The following RNF182 variants were observed in gnomAD, a reference collection of about 807,000 sequenced individuals.
The protein encoded by RNF182 is E3 ubiquitin-protein ligase RNF182.
Under a neutral mutation model 14.4 loss-of-function variants are expected in RNF182, and 15 were observed. That is an observed-to-expected ratio of 1.04 (90% confidence interval 0.70 to 1.60). The LOEUF is 1.60. RNF182 is among the 40% of genes most tolerant of loss of function. The probability of loss-of-function intolerance (pLI) is 0.00; values close to 1 mark genes in which losing one functional copy is unlikely to be tolerated. For missense variants in RNF182, 268 were observed against 294.8 expected, an observed-to-expected ratio of 0.91 and a Z score of 0.67; for synonymous variants, 128 against 122.9, an observed-to-expected ratio of 1.04 and a Z score of -0.27.
At chr6:13,944,956 GTGCC>G (rs10553158) in intron 1 of RNF182, among the ~76,000 whole-genome samples, 9,995 of 152,202 alleles carry the variant, frequency 0.066, 418 homozygotes, top group Middle Eastern at 0.1. Flanking sequence ...TGCTTACTAA[GTGCC>G]TGATCCTAAG....
rs777174455 is a variant in RNF182 at position 13,977,759 on chromosome 6, G to A, written c.640G>A (p.Val214Ile). 1.5e-5 allele frequency: 25 copies of A among 1,613,956 alleles called. No individual in the cohort carries two copies. Among genetic ancestry groups the A allele is most frequent in the African/African-American group, 8.0e-5 (6 of 74,874 alleles). Residue 214 changes from valine to isoleucine, a missense_variant, in exon 3 of 3, where the codon GTC (valine) becomes ATC (isoleucine). Transcript: ENST00000488300. ...GTCTAAGAAAGTCACCCTTGGGGTC[G>A]TCTTTGTCAGCCTGGTCCCTTCGAG... ...LVSKKVTLGV[V>I]FVSLVPSSLV...
intron 1 of RNF182, chr6:13,949,256 G>A (rs1274486069): frequency 5.1e-6 from 4 of 783,700 alleles, no homozygotes; most frequent in Non-Finnish European, 9.5e-6. Context: ...GACACCAGTT[G>A]TTTCCTCTGC....
chr6:13,945,276 A>C (rs1759410042), intron 1 of RNF182, among the ~76,000 whole-genome samples: 1 of 152,224 alleles, frequency 6.6e-6, no homozygotes. Flanking sequence ...TTAGCCAAAA[A>C]TTATTGTGGC....
At chr6:13,962,009 G>A (rs1476485160) in intron 1 of RNF182, among the ~76,000 whole-genome samples, 1 of 152,102 alleles carries the variant, frequency 6.6e-6, no homozygotes, top group East Asian at 1.9e-4. Flanking sequence ...TTAATGAAAG[G>A]CATAGTTTTT....
Position 13,979,652 on chromosome 6 carries a change from T to G in RNF182, c.*1789T>G, listed in dbSNP as rs1400934315. ...TTTGTGTTTAGAGTAAATACCATGT[T>G]TAGAAGATGTTTTGTGGTTTGGATT... On this transcript the variant is annotated 3_prime_UTR_variant, in exon 3 of 3. Coordinates refer to ENST00000488300, the MANE Select transcript of RNF182 (RefSeq NM_152737.4). The G allele has an allele frequency of 6.0e-6, 1 of 166,616 alleles. No individual in the cohort carries two copies. The highest frequency in any genetic ancestry group is 2.4e-5 in the African/African-American group (1 of 41,460). The allele number at this position is 166,616 out of a possible 1,614,324, so 10.3% of individuals were successfully genotyped here.
At chr6:13,965,519 A>G (rs1760001579) in intron 1 of RNF182, among the ~76,000 whole-genome samples, 2 of 152,236 alleles carry the variant, frequency 1.3e-5, no homozygotes, top group African/African-American at 2.4e-5. Flanking sequence ...CTCTGGATTT[A>G]TTGGAAAAGT....
At chr6:13,956,095 A>G (rs566640229) in intron 1 of RNF182, among the ~76,000 whole-genome samples, 1 of 152,220 alleles carries the variant, frequency 6.6e-6, no homozygotes, top group South Asian at 2.1e-4. Context: ...GTTCAGACTT[A>G]TTCATATTGC....
intron 1 of RNF182, among the ~76,000 whole-genome samples, chr6:13,942,205 C>G (rs930395827): frequency 7.9e-5 from 12 of 151,940 alleles, no homozygotes; most frequent in African/African-American, 1.2e-4. Context: ...TGCCTTTTTC[C>G]TCTGTGTGTT....
intron 1 of RNF182, among the ~76,000 whole-genome samples, chr6:13,942,182 T>C (rs1759315095): frequency 1.3e-5 from 2 of 152,202 alleles, no homozygotes; most frequent in South Asian, 2.1e-4. Context: ...ACTTTGGTCC[T>C]TTAGAGGTGA....
Position 13,969,832 on chromosome 6 carries a change from A to G in RNF182, c.-366-4378A>G, listed in dbSNP as rs561897797. Reference sequence around the variant, plus strand: ...ATGAAAGACTGTTCATTGGTTAGTTAGGAATACCAGCTTCATATATTTGAA... The same window carrying G: ...ATGAAAGACTGTTCATTGGTTAGTTGGGAATACCAGCTTCATATATTTGAA... On this transcript the variant is annotated intron_variant, in intron 1 of 2. Coordinates refer to ENST00000488300, the MANE Select transcript of RNF182 (RefSeq NM_152737.4). 1.5e-3 allele frequency among the ~76,000 whole-genome samples: 199 copies of G among 131,746 alleles called. 2 individuals are homozygous for G. The highest frequency in any genetic ancestry group is 4.9e-3 in the African/African-American group (189 of 38,630). The allele number at this position is 131,746 out of a possible 152,430, so 86.4% of individuals were successfully genotyped here. A position where few individuals can be genotyped will look rare whatever the true frequency, so the allele number is the denominator to read the frequency against.
At chr6:13,964,674 T>G (rs1165645256) in intron 1 of RNF182, among the ~76,000 whole-genome samples, 1 of 152,062 alleles carries the variant, frequency 6.6e-6, no homozygotes, top group Non-Finnish European at 1.5e-5. Context: ...GCTTGGCTGG[T>G]ACCGAGGGCT....
chr6:13,960,693 G>GTGCA (rs1759855109), intron 1 of RNF182, among the ~76,000 whole-genome samples: 7 of 109,056 alleles, frequency 6.4e-5, no homozygotes, highest in Non-Finnish European at 2.0e-5. Flanking sequence ...GTGTGTGTGT[G>GTGCA]CGCGCGTGCA....
chr6:13,977,554 C>T lies in RNF182; in HGVS notation c.435C>T (p.Ser145=), dbSNP rs1170859868. The T allele has an allele frequency of 6.2e-7, 1 of 1,614,114 alleles. No individual in the cohort carries two copies. Among genetic ancestry groups the T allele is most frequent in the East Asian group, 2.2e-5 (1 of 44,894 alleles). The stretch of plus-strand genomic sequence containing the variant: ...AGAGAGAGAGCTCCCCGTCCCTGAG[C>T]TCCACTCCTGTGGTAGAATTTTATA... ...EVQRESSPSL[S]STPVVEFYRP... The change falls in exon 3 of 3, where the codon AGC becomes AGT. Residue 145 remains serine (S), a synonymous_variant. Coordinates refer to ENST00000488300, the MANE Select transcript of RNF182 (RefSeq NM_152737.4).
chr6:13,979,824 A>G lies in RNF182; in HGVS notation c.*1961A>G, dbSNP rs2113658886. ...GCTTCTCTGTATAATGTCTACAGTG[A>G]TAAACTTGTGTCTCCGTGTATTGTG... On this transcript the variant is annotated 3_prime_UTR_variant, in exon 3 of 3. Coordinates refer to ENST00000488300, the MANE Select transcript of RNF182 (RefSeq NM_152737.4). The G allele has an allele frequency of 6.0e-6, 1 of 167,186 alleles. No homozygotes were observed. The highest frequency in any genetic ancestry group is 2.4e-5 in the African/African-American group (1 of 41,588). 10.4% of individuals were successfully genotyped at this position (167,186 alleles called of 1,614,324 possible). A position where few individuals can be genotyped will look rare whatever the true frequency, so the allele number is the denominator to read the frequency against.
intron 1 of RNF182, among the ~76,000 whole-genome samples, chr6:13,965,985 T>A (rs1374681244): frequency 6.6e-6 from 1 of 152,138 alleles, no homozygotes; most frequent in Non-Finnish European, 1.5e-5. Context: ...CTTTGATACT[T>A]TTTTTTGAGT....
rs559869940 is a variant in RNF182, at chr6:13,973,527, G to A, written c.-366-683G>A. Among the ~76,000 whole-genome samples the A allele has an allele frequency of 4.6e-5, 7 of 152,222 alleles. No individual in the cohort carries two copies. In the South Asian group the frequency reaches 1.5e-3, roughly 32 times the overall value. On this transcript the variant is annotated intron_variant, in intron 1 of 2. Coordinates refer to ENST00000488300, the MANE Select transcript of RNF182 (RefSeq NM_152737.4). ...GGCCAGGTGGAGATAATTGAATCAT[G>A]GAGTCAGTTTCCCCTATACTGTTCT...
intron 1 of RNF182, among the ~76,000 whole-genome samples, chr6:13,952,592 AT>A (rs1387492516): frequency 1.3e-5 from 2 of 151,946 alleles, no homozygotes; most frequent in African/African-American, 4.8e-5. Flanking sequence ...TGTGCAGACG[AT>A]TTTCCTTTGG....
At position 13,924,952 on chromosome 6, in the gene RNF182, G is replaced by C. The variant is rs932470552; in HGVS notation, c.-438G>C. The C allele has an allele frequency of 9.7e-5, 10 of 103,584 alleles. No homozygotes were observed. Among genetic ancestry groups the C allele is most frequent in the Non-Finnish European group, 1.0e-4 (5 of 48,688 alleles). The allele number at this position is 103,584 out of a possible 1,614,324, so 6.4% of individuals were successfully genotyped here. On this transcript the variant is annotated 5_prime_UTR_variant, in exon 1 of 3. Coordinates refer to ENST00000488300, the MANE Select transcript of RNF182 (RefSeq NM_152737.4). ...CTCCTCGCGCGAGCTCCTCCTCCACGGGAACCTCCCTCCCCTCCCAGGCGC... is the reference window on the plus strand; with the variant it reads ...CTCCTCGCGCGAGCTCCTCCTCCACCGGAACCTCCCTCCCCTCCCAGGCGC...
intron 1 of RNF182, among the ~76,000 whole-genome samples, chr6:13,943,792 C>T (rs961512182): frequency 6.6e-6 from 1 of 152,048 alleles, no homozygotes; most frequent in Non-Finnish European, 1.5e-5. Context: ...TCAGTGTTAC[C>T]GGAGCTTAAC....
Sources: allele counts gnomAD v4.1 joint callset (sites outside exome capture counted in the v4.1 genomes callset), GRCh38; gene constraint gnomAD v4.1.1; transcripts MANE v1.5; gene names NCBI Gene and HGNC (gene_info 2026-07-23, HGNC 2026-07-21).